FUT8: variants seen among roughly 807,000 people sequenced by gnomAD.
FUT8 encodes alpha-(1,6)-fucosyltransferase.
A neutral mutation model predicts 71.3 loss-of-function variants in FUT8; 29 were observed. The ratio of observed to expected loss-of-function variants is 0.41; its 90% CI spans 0.30 to 0.55. The LOEUF (loss-of-function observed/expected upper bound fraction) is 0.55, where lower values mean the gene tolerates loss of function less well. Among genes scored for constraint, FUT8 ranks in the 20% least tolerant of loss-of-function variants. The probability of loss-of-function intolerance (pLI) is 0.34; values close to 1 mark genes in which losing one functional copy is unlikely to be tolerated. For synonymous variants in FUT8, 254 were observed against 239.3 expected, an observed-to-expected ratio of 1.06 and a Z score of -0.57; for missense variants, 544 against 702.1, an observed-to-expected ratio of 0.77 and a Z score of 2.55.
intron 3 of FUT8, among the ~76,000 whole-genome samples, chr14:65,582,450 A>G (rs976188674): frequency 6.6e-6 from 1 of 152,134 alleles, no homozygotes; most frequent in African/African-American, 2.4e-5. Flanking sequence ...ACAACCCACT[A>G]TGCTTCATGT....
At chr14:65,697,339 A>T (rs999893532) in intron 7 of FUT8, among the ~76,000 whole-genome samples, 1 of 151,956 alleles carries the variant, frequency 6.6e-6, no homozygotes, top group Non-Finnish European at 1.5e-5. Flanking sequence ...ATTTCTCCTT[A>T]TTGTTCATCA....
At chr14:65,492,002 A>T (rs559723884) in intron 2 of FUT8, among the ~76,000 whole-genome samples, 1 of 152,272 alleles carries the variant, frequency 6.6e-6, no homozygotes, top group East Asian at 1.9e-4. Flanking sequence ...TGGTCTTGGA[A>T]TAAAATTTTG....
intron 2 of FUT8, among the ~76,000 whole-genome samples, chr14:65,486,904 T>C (rs945318094): frequency 2.0e-5 from 3 of 152,214 alleles, no homozygotes; most frequent in Admixed American, 2.0e-4. Flanking sequence ...TACTTTTCTA[T>C]TGCATATTTC....
At chr14:65,649,215 T>C (rs1206463423) in intron 6 of FUT8, among the ~76,000 whole-genome samples, 1 of 152,250 alleles carries the variant, frequency 6.6e-6, no homozygotes, top group Non-Finnish European at 1.5e-5. Flanking sequence ...AGAATTCTAG[T>C]TAACATTCTG....
At chr14:65,361,798 A>T in the FUT8 span, among the ~76,000 whole-genome samples, 1 of 147,958 alleles carries the variant, frequency 6.8e-6, no homozygotes, top group Non-Finnish European at 1.5e-5. Flanking sequence ...AAGAAAACAA[A>T]CAAACAAACA....
intron 2 of FUT8, among the ~76,000 whole-genome samples, chr14:65,480,276 G>A (rs1450693240): frequency 7.1e-6 from 1 of 141,742 alleles, no homozygotes; most frequent in African/African-American, 2.6e-5. Context: ...TAAAACTGTT[G>A]CAAACTGCAG....
rs1021273651 is a variant in FUT8, at chr14:65,692,106, G to A, written c.835+22626G>A. 9.2e-5 allele frequency among the ~76,000 whole-genome samples: 14 copies of A among 152,086 alleles called. No homozygotes were observed. The East Asian group carries it at 2.3e-3, about 25-fold the overall frequency. On this transcript the variant is annotated intron_variant, in intron 7 of 10. Transcript: ENST00000673929. ...ATTGTCATCATGGCCCGTTCTCAAT[G>A]AGCTGTTGGGTACACCTCCCAGACC... is the stretch of plus-strand genomic sequence containing the variant.
chr14:65,356,967 C>G, the FUT8 span, among the ~76,000 whole-genome samples: 1 of 152,214 alleles, frequency 6.6e-6, no homozygotes, highest in Non-Finnish European at 1.5e-5. This position sits in a 1 kb window ranked among gnomAD's most constrained non-coding sequence, Gnocchi z 4.6. Context: ...CAGGGGCAAG[C>G]ACTGGGACAA....
chr14:65,630,285 T>C (rs1232393565), intron 6 of FUT8, among the ~76,000 whole-genome samples: 1 of 152,190 alleles, frequency 6.6e-6, no homozygotes, highest in South Asian at 2.1e-4. Flanking sequence ...AAATAGAAAG[T>C]ATTGGTAAAC....
intron 1 of FUT8, among the ~76,000 whole-genome samples, chr14:65,415,682 CT>C (rs59874921): frequency 0.24 from 33,711 of 140,868 alleles, 4,506 homozygotes; most frequent in East Asian, 0.43. Context: ...GATATAATTC[CT>C]TTTTTTTTTT....
In FUT8 at chr14:65,643,968, A is replaced by C. The variant is rs1890993647; in HGVS notation, c.597+14362A>C. Among the ~76,000 whole-genome samples, 1 of 152,124 alleles carries C rather than the reference A, an allele frequency of 6.6e-6. No homozygotes were observed. The highest frequency in any genetic ancestry group is 2.4e-5 in the African/African-American group (1 of 41,416). ...CTATAGTTCGACTCTGATCTAAGTC[A>C]CAATACAGTTCTAGAAACAATTTTC... On this transcript the variant is annotated intron_variant, in intron 6 of 10. Transcript: ENST00000673929. This position sits in a 1 kb window ranked among gnomAD's most constrained non-coding sequence, Gnocchi z 4.5.
At chr14:65,733,510 C>T (rs952565383) in intron 10 of FUT8, 129 bp downstream of exon 10, 2 of 573,768 alleles carry the variant, frequency 3.5e-6, no homozygotes, top group African/African-American at 1.9e-5. Context: ...TTCTGATACT[C>T]AGTAATGATC....
intron 6 of FUT8, among the ~76,000 whole-genome samples, chr14:65,651,903 A>C (rs562471503): frequency 1.3e-5 from 2 of 152,226 alleles, no homozygotes; most frequent in Non-Finnish European, 2.9e-5. Flanking sequence ...TGAGAAAATT[A>C]CAGAAACATC....
At chr14:65,397,193 C>G in the FUT8 span, among the ~76,000 whole-genome samples, 1 of 152,172 alleles carries the variant, frequency 6.6e-6, no homozygotes, top group Non-Finnish European at 1.5e-5. The surrounding 1 kb of genome is among the most constrained non-coding windows in gnomAD (Gnocchi z 4.2). Flanking sequence ...TAAGACCAGG[C>G]TTGGAAGTGA....
chr14:65,649,776 G>T (rs1192021490), intron 6 of FUT8, among the ~76,000 whole-genome samples: 10 of 152,090 alleles, frequency 6.6e-5, no homozygotes, highest in Non-Finnish European at 1.2e-4. Flanking sequence ...AGAGATTGTT[G>T]AAAAAAGTTG....
chr14:65,631,309 C>T (rs527272144), intron 6 of FUT8, among the ~76,000 whole-genome samples: 7 of 152,164 alleles, frequency 4.6e-5, no homozygotes, highest in Non-Finnish European at 1.0e-4. Context: ...TAGTTCTAAA[C>T]TATGATCTAG....
chr14:65,573,715 C>T (rs1886606933), intron 3 of FUT8, among the ~76,000 whole-genome samples: 1 of 145,662 alleles, frequency 6.9e-6, no homozygotes, highest in Admixed American at 6.9e-5. Flanking sequence ...GCCTGGGCAA[C>T]ACAGTGAGAC....
chr14:65,381,344 G>T, the FUT8 span, among the ~76,000 whole-genome samples: 17 of 152,274 alleles, frequency 1.1e-4, no homozygotes, highest in Non-Finnish European at 4.4e-5. Flanking sequence ...AAAACAAATT[G>T]CAGGCCAGGC....
Position 65,704,929 on chromosome 14 carries a change from A to G in FUT8, c.836-16846A>G, listed in dbSNP as rs566219825. ...GTCAGAATATCATTGAGATCAGTTAACCATAAGTTTAGCTGCCTTTGCAAG... is the reference window on the plus strand; with the variant it reads ...GTCAGAATATCATTGAGATCAGTTAGCCATAAGTTTAGCTGCCTTTGCAAG... On this transcript the variant is annotated intron_variant, in intron 7 of 10. Coordinates refer to ENST00000673929, the MANE Select transcript of FUT8 (RefSeq NM_001371533.1). Among the ~76,000 whole-genome samples, 16 of 152,332 alleles carry G rather than the reference A, an allele frequency of 1.1e-4. No homozygotes were observed. The South Asian group carries it at 3.1e-3, about 30-fold the overall frequency.
Sources: gnomAD v4.1 joint callset for allele counts (sites outside exome capture counted in the v4.1 genomes callset) on GRCh38, gnomAD v4.1.1 for gene constraint, Gnocchi (gnomAD v3.1) non-coding constraint, MANE v1.5 for transcripts, NCBI Gene and HGNC (gene_info 2026-07-23, HGNC 2026-07-21) for gene names.